Variants in C16orf78 observed in about 807,000 individuals in gnomAD.
The protein encoded by C16orf78 is uncharacterized protein C16orf78.
C16orf78 carries 19 observed loss-of-function variants against 27.3 expected under a neutral mutation model. The observed-to-expected ratio is 0.70, with a 90% confidence interval of 0.49 to 1.02. The LOEUF (loss-of-function observed/expected upper bound fraction) is 1.02. C16orf78 is among the 50% of genes least tolerant of loss of function. The pLI is 0.00. For missense variants in C16orf78, 339 were observed against 337.0 expected (o/e 1.01, Z -0.05); for synonymous variants, 130 against 116.1 (o/e 1.12, Z -0.77).
At chr16:49,398,633 C>T (rs1248599832) in intron 4 of C16orf78, among the ~76,000 whole-genome samples, 2 of 152,312 alleles carry the variant, frequency 1.3e-5, no homozygotes, top group Non-Finnish European at 2.9e-5. Context: ...GTCTTTTCTC[C>T]CCACTTGGTA....
intron 4 of C16orf78, among the ~76,000 whole-genome samples, chr16:49,397,180 T>C (rs27797): frequency 0.44 from 66,314 of 151,940 alleles, 16,361 homozygotes; most frequent in African/African-American, 0.68. Context: ...TCCCTTCTCA[T>C]TTGCTCTCTG....
chr16:49,396,553 A>C lies in C16orf78; in HGVS notation c.525A>C (p.Arg175Ser), dbSNP rs148751828. 1,410 of 1,610,896 alleles carry C rather than the reference A, an allele frequency of 8.8e-4. 14 individuals are homozygous for C. In the African/African-American group the frequency reaches 0.018, roughly 20 times the overall value. Residue 175 changes from arginine to serine, a missense_variant, in exon 4 of 5, where the codon AGA (arginine) becomes AGC (serine). Physicochemically the swap from Arg to Ser is moderately radical, Grantham distance 110. Coordinates refer to ENST00000299191, the MANE Select transcript of C16orf78 (RefSeq NM_144602.4). Reference sequence around the variant, plus strand: ...ACAGCCAGAGGGCAACCTTCATAAGAGACTGGTCCAACAAGATGCCTGACA... The same window carrying C: ...ACAGCCAGAGGGCAACCTTCATAAGCGACTGGTCCAACAAGATGCCTGACA... Reference protein sequence around the residue: ...TFNSQRATFIRDWSNKMPDMA... With the variant: ...TFNSQRATFISDWSNKMPDMA...
At chr16:49,381,356 G>T (rs1445723441) in intron 3 of C16orf78, among the ~76,000 whole-genome samples, 3 of 152,138 alleles carry the variant, frequency 2.0e-5, no homozygotes, top group Non-Finnish European at 4.4e-5. Context: ...CACATCCTTT[G>T]TAAGTTGGAT....
chr16:49,392,721 G>A (rs1293615513), intron 3 of C16orf78, among the ~76,000 whole-genome samples: 1 of 152,156 alleles, frequency 6.6e-6, no homozygotes, highest in Admixed American at 6.5e-5. Context: ...GGTTCTAGGA[G>A]TACATGTGCG....
intron 3 of C16orf78, among the ~76,000 whole-genome samples, chr16:49,385,684 C>G (rs941332518): frequency 6.6e-6 from 1 of 151,260 alleles, no homozygotes; most frequent in African/African-American, 2.4e-5. Context: ...TTTGTACAAG[C>G]CTTATGGTAA....
At chr16:49,375,742 T>C (rs1596917272) in intron 1 of C16orf78, among the ~76,000 whole-genome samples, 1 of 152,166 alleles carries the variant, frequency 6.6e-6, no homozygotes, top group African/African-American at 2.4e-5. Context: ...CTGACAAACA[T>C]ATTTTACTCT....
intron 3 of C16orf78, among the ~76,000 whole-genome samples, chr16:49,384,394 A>C (rs1965322543): frequency 6.6e-6 from 1 of 151,902 alleles, no homozygotes; most frequent in Admixed American, 6.6e-5. Flanking sequence ...CTGGAGCTGA[A>C]GAACAAGATG....
intron 3 of C16orf78, among the ~76,000 whole-genome samples, chr16:49,391,076 C>T (rs1225458453): frequency 6.6e-6 from 1 of 152,198 alleles, no homozygotes; most frequent in East Asian, 1.9e-4. Flanking sequence ...TGGCTGAAGG[C>T]AGAAGTCTCA....
chr16:49,378,385 GA>G, intron 2 of C16orf78, 84 bp from the exon 3 acceptor site: 1 of 1,503,108 alleles, frequency 6.7e-7, no homozygotes, highest in Non-Finnish European at 8.9e-7. Context: ...GCAAACCCTT[GA>G]AATTGCTGTT....
intron 3 of C16orf78, among the ~76,000 whole-genome samples, chr16:49,394,133 T>C (rs1965444716): frequency 6.6e-6 from 1 of 152,108 alleles, no homozygotes; most frequent in South Asian, 2.1e-4. Context: ...GGTTTTAACA[T>C]TTAAAGAGCA....
intron 4 of C16orf78, 84 bp downstream of exon 4, chr16:49,396,762 G>T (rs759539890): frequency 2.6e-4 from 389 of 1,499,812 alleles, no homozygotes; most frequent in Admixed American, 3.8e-4. Context: ...AAACACCTTG[G>T]CTTAGCCTGA....
chr16:49,395,361 T>A (rs1326282533), intron 3 of C16orf78, among the ~76,000 whole-genome samples: 1 of 152,196 alleles, frequency 6.6e-6, no homozygotes, highest in East Asian at 1.9e-4. Flanking sequence ...CAAGCTCTAG[T>A]CCAACCTTCA....
chr16:49,395,460 C>T (rs56330203), intron 3 of C16orf78, among the ~76,000 whole-genome samples: 111 of 151,244 alleles, frequency 7.3e-4, no homozygotes, highest in Non-Finnish European at 1.3e-3. Context: ...TTTTTTTTTG[C>T]GATTTTTTTT....
chr16:49,392,530 G>C (rs755989953), intron 3 of C16orf78, among the ~76,000 whole-genome samples: 2 of 152,158 alleles, frequency 1.3e-5, no homozygotes, highest in Non-Finnish European at 2.9e-5. Context: ...GAAACACATA[G>C]AGTAAAAGAG....
intron 1 of C16orf78, among the ~76,000 whole-genome samples, chr16:49,377,000 A>G (rs1965227236): frequency 6.6e-6 from 1 of 152,120 alleles, no homozygotes; most frequent in African/African-American, 2.4e-5. Flanking sequence ...CCTAACCCTT[A>G]TAGACTAGGC....
intron 3 of C16orf78, among the ~76,000 whole-genome samples, chr16:49,380,571 G>A (rs1264304861): frequency 6.6e-6 from 1 of 152,144 alleles, no homozygotes; most frequent in African/African-American, 2.4e-5. Flanking sequence ...CGAAGTCATT[G>A]TGTGTAAATA....
intron 4 of C16orf78, among the ~76,000 whole-genome samples, chr16:49,397,919 C>T (rs186496621): frequency 1.3e-5 from 2 of 152,280 alleles, no homozygotes; most frequent in African/African-American, 4.8e-5. Flanking sequence ...GCATGCACCA[C>T]CACACCCAGC....
chr16:49,375,141 A>G (rs1229402540), intron 1 of C16orf78, among the ~76,000 whole-genome samples: 5 of 152,178 alleles, frequency 3.3e-5, no homozygotes, highest in Admixed American at 2.6e-4. Context: ...TTGAAGTCAC[A>G]GAAGTAATAA....
chr16:49,378,612 C>A lies in C16orf78; in HGVS notation c.394+19C>A. On this transcript the variant is annotated intron_variant, in intron 3 of 4. Transcript: ENST00000299191. Reference sequence around the variant, plus strand: ...AAATCTGGTAAGGGAAAAACCTTGGCCCCGGCCACCAGAATCCTGCTCCAT... The same window carrying A: ...AAATCTGGTAAGGGAAAAACCTTGGACCCGGCCACCAGAATCCTGCTCCAT... 6.2e-7 allele frequency: 1 copy of A among 1,609,352 alleles called. No homozygotes were observed. Among genetic ancestry groups the A allele is most frequent in the Non-Finnish European group, 8.5e-7 (1 of 1,176,224 alleles).
Sources: gnomAD v4.1 joint callset for allele counts (sites outside exome capture counted in the v4.1 genomes callset) on GRCh38, gnomAD v4.1.1 for gene constraint, MANE v1.5 for transcripts, NCBI Gene and HGNC (gene_info 2026-07-23, HGNC 2026-07-21) for gene names.